Variants in THADA observed in about 807,000 individuals in gnomAD.
THADA encodes the protein THADA armadillo repeat containing.
THADA carries 213 observed loss-of-function variants against 219.8 expected under a neutral mutation model. That is an observed-to-expected ratio of 0.97 (90% CI 0.87 to 1.09). The LOEUF (loss-of-function observed/expected upper bound fraction) is 1.09, where lower values mean the gene tolerates loss of function less well. Ranked by LOEUF, THADA falls within the 50% of genes least tolerant of loss-of-function variation. THADA has a pLI of 0.00. For missense variants in THADA, 2,956 were observed against 2,311.3 expected, an observed-to-expected ratio of 1.28 and a Z score of -5.72; for synonymous variants, 1,018 against 828.9, an observed-to-expected ratio of 1.23 and a Z score of -3.92.
At chr2:43,381,576 G>C (rs1672033833) in intron 29 of THADA, among the ~76,000 whole-genome samples, 1 of 151,424 alleles carries the variant, frequency 6.6e-6, no homozygotes. Flanking sequence ...CATCAACAGT[G>C]ATAAGTCTTT....
intron 28 of THADA, among the ~76,000 whole-genome samples, chr2:43,402,618 T>C (rs1161905082): frequency 6.6e-6 from 1 of 152,132 alleles, no homozygotes; most frequent in Non-Finnish European, 1.5e-5. Context: ...CCCACACACA[T>C]CCGTAGGGAC....
intron 21 of THADA, among the ~76,000 whole-genome samples, chr2:43,540,388 CAT>C (rs2103809230): frequency 6.6e-6 from 1 of 152,210 alleles, no homozygotes; most frequent in South Asian, 2.1e-4. Context: ...TGGAACTAGT[CAT>C]GTGGTTATTA....
chr2:43,426,110 T>A (rs1336898359), intron 28 of THADA, among the ~76,000 whole-genome samples: 2 of 152,212 alleles, frequency 1.3e-5, no homozygotes, highest in Non-Finnish European at 2.9e-5. Context: ...ATGCCCTAAG[T>A]ACACTGGCTT....
intron 25 of THADA, among the ~76,000 whole-genome samples, chr2:43,491,255 T>A (rs1474757647): frequency 6.6e-6 from 1 of 152,224 alleles, no homozygotes; most frequent in Non-Finnish European, 1.5e-5. Context: ...AATGCTAATA[T>A]GAATCATTGA....
At chr2:43,423,435 CT>C (rs34481568) in intron 28 of THADA, among the ~76,000 whole-genome samples, 41,808 of 141,928 alleles carry the variant, frequency 0.29, 5,888 homozygotes, top group Non-Finnish European at 0.34. Flanking sequence ...TTCTTTCTTT[CT>C]TTTTTTTTTT....
chr2:43,414,498 C>T (rs1305257342), intron 28 of THADA, among the ~76,000 whole-genome samples: 2 of 152,098 alleles, frequency 1.3e-5, no homozygotes, highest in Non-Finnish European at 2.9e-5. Flanking sequence ...AGGAATGAAC[C>T]ACCAAAATGA....
rs1294975147 is a variant in THADA at position 43,430,651 on chromosome 2, C to G, written c.3837-349G>C. On this transcript the variant is annotated intron_variant, in intron 26 of 37. Coordinates refer to ENST00000405975, the MANE Select transcript of THADA (RefSeq NM_022065.5). Reference sequence around the variant, plus strand: ...AGAGTCAACACCAGATTGACTGAGACTGACTCAGCTTCAGTGATAAGGACA... The same window carrying G: ...AGAGTCAACACCAGATTGACTGAGAGTGACTCAGCTTCAGTGATAAGGACA... 3 of 458,554 alleles carry G rather than the reference C, an allele frequency of 6.5e-6. No individual in the cohort carries two copies. The Admixed American group carries it at 7.0e-5, about 11-fold the overall frequency. 28.4% of individuals were successfully genotyped at this position (458,554 alleles called of 1,614,324 possible). A position where few individuals can be genotyped will look rare whatever the true frequency, so the allele number is the denominator to read the frequency against.
chr2:43,378,578 T>C (rs948114633), intron 29 of THADA, among the ~76,000 whole-genome samples: 2 of 152,212 alleles, frequency 1.3e-5, no homozygotes, highest in African/African-American at 4.8e-5. Flanking sequence ...CTTATTATAA[T>C]AACAGATGTC....
At chr2:43,290,877 G>A (rs775953225) in intron 34 of THADA, among the ~76,000 whole-genome samples, 4 of 151,840 alleles carry the variant, frequency 2.6e-5, no homozygotes, top group Non-Finnish European at 4.4e-5. Context: ...TTCTTACTTC[G>A]GTTCTATTTC....
chr2:43,348,253 G>A (rs879760101), intron 29 of THADA, among the ~76,000 whole-genome samples: 5 of 152,232 alleles, frequency 3.3e-5, no homozygotes, highest in Admixed American at 6.5e-5. Context: ...CCGGAGCTGA[G>A]CAGCAGGAGC....
intron 29 of THADA, among the ~76,000 whole-genome samples, chr2:43,385,466 G>T (rs1282127590): frequency 6.6e-6 from 1 of 152,092 alleles, no homozygotes; most frequent in Non-Finnish European, 1.5e-5. Flanking sequence ...AATTAGCCGG[G>T]TGTGGTGGCG....
At chr2:43,419,723 T>G (rs1257700341) in intron 28 of THADA, among the ~76,000 whole-genome samples, 1 of 152,210 alleles carries the variant, frequency 6.6e-6, no homozygotes, top group East Asian at 1.9e-4. Context: ...GCACCTTTGC[T>G]ACAATTTTTG....
At chr2:43,551,006 A>C (rs946491639) in intron 19 of THADA, among the ~76,000 whole-genome samples, 2 of 152,240 alleles carry the variant, frequency 1.3e-5, no homozygotes, top group Non-Finnish European at 2.9e-5. Flanking sequence ...CAACAGGCTA[A>C]ATAAATGTGT....
In THADA at chr2:43,293,203, A is replaced by T; in HGVS notation, c.4449T>A (p.Ser1483Arg). Reference sequence around the variant, plus strand: ...CTCTGACTTCCTCCCAGAAGCCAAGACTCTCCAGAACTAAGAAGCAAAAAA... The same window carrying T: ...CTCTGACTTCCTCCCAGAAGCCAAGTCTCTCCAGAACTAAGAAGCAAAAAA... ...SAKDNQPVLE[S>R]LGFWEEVRGI... The change falls in exon 32 of 38, where the codon AGT (serine) becomes AGA (arginine). Residue 1483 changes from serine to arginine, a missense_variant. By Grantham distance (110) the Ser-to-Arg change is moderately radical. Coordinates refer to ENST00000405975, the MANE Select transcript of THADA (RefSeq NM_022065.5). 1 of 1,602,130 alleles carries T rather than the reference A, an allele frequency of 6.2e-7. No individual in the cohort carries two copies.
At chr2:43,300,322 C>T (rs1006633090) in intron 31 of THADA, among the ~76,000 whole-genome samples, 5 of 151,806 alleles carry the variant, frequency 3.3e-5, no homozygotes, top group Non-Finnish European at 2.9e-5. Flanking sequence ...TTAGAATTGA[C>T]ACTTGTTGAT....
intron 28 of THADA, among the ~76,000 whole-genome samples, chr2:43,418,711 G>T (rs1677317308): frequency 6.6e-6 from 1 of 152,058 alleles, no homozygotes; most frequent in African/African-American, 2.4e-5. Context: ...AAGTGAAAAA[G>T]AAAAGGTTTG....
intron 10 of THADA, 67 bp downstream of exon 10, chr2:43,576,955 T>C: frequency 2.8e-6 from 4 of 1,430,996 alleles, no homozygotes; most frequent in Non-Finnish European, 3.8e-6. Context: ...CACTCCAGCT[T>C]TTGGACTGCA....
In THADA at chr2:43,586,028, G is replaced by A. The variant is rs137865631; in HGVS notation, c.533+373C>T. ...GCCTGTAATCTCAACACTTCGGGAG[G>A]CTAAAGCGGGCACATTACTTCAGTC... On this transcript the variant is annotated intron_variant, in intron 7 of 37. Coordinates refer to ENST00000405975, the MANE Select transcript of THADA (RefSeq NM_022065.5). 8.1e-3 allele frequency among the ~76,000 whole-genome samples: 1,236 copies of A among 152,202 alleles called. 16 individuals are homozygous for A. The highest frequency in any genetic ancestry group is 0.028 in the African/African-American group (1,177 of 41,534).
intron 36 of THADA, among the ~76,000 whole-genome samples, chr2:43,245,172 C>CTTCTTTTTT (rs796699945): frequency 0.014 from 1,430 of 103,072 alleles, 127 homozygotes; most frequent in African/African-American, 0.068. Context: ...CTTTCTTCTT[C>CTTCTTTTTT]TTTTTTTTTT....
Sources: gnomAD v4.1 joint callset for allele counts (sites outside exome capture counted in the v4.1 genomes callset) on GRCh38, gnomAD v4.1.1 for gene constraint, MANE v1.5 for transcripts, NCBI Gene and HGNC (gene_info 2026-07-23, HGNC 2026-07-21) for gene names.